The following ZNF704 variants were observed in gnomAD, a reference collection of about 807,000 sequenced individuals.
ZNF704 encodes glucocorticoid induced gene 1.
ZNF704 carries 10 observed loss-of-function variants against 44.7 expected under a neutral mutation model. That is an observed-to-expected ratio of 0.22 (90% CI 0.14 to 0.38). The LOEUF is 0.38. ZNF704 is among the 10% of genes least tolerant of loss of function. ZNF704 has a pLI of 1.00. For missense variants in ZNF704, 390 were observed against 545.5 expected (o/e 0.71, Z 2.84); for synonymous variants, 211 against 207.6 (o/e 1.02, Z -0.14).
chr8:80,675,744 G>A (rs1021426496), intron 4 of ZNF704, among the ~76,000 whole-genome samples: 2 of 152,132 alleles, frequency 1.3e-5, no homozygotes, highest in Admixed American at 1.3e-4. Flanking sequence ...AGTTGTGGGT[G>A]AGTTTTGGAT....
intron 2 of ZNF704, among the ~76,000 whole-genome samples, chr8:80,735,717 T>C (rs1806654683): frequency 6.6e-6 from 1 of 152,184 alleles, no homozygotes; most frequent in African/African-American, 2.4e-5. Flanking sequence ...TTTTTTTCCA[T>C]GGGTTATACA....
In ZNF704 at chr8:80,687,437, T is replaced by A; in HGVS notation, c.347A>T (p.Lys116Met). 1 of 1,580,856 alleles carries A rather than the reference T, an allele frequency of 6.3e-7. No individual in the cohort carries two copies. The highest frequency in any genetic ancestry group is 8.6e-7 in the Non-Finnish European group (1 of 1,165,058). The change falls in exon 4 of 9, where the codon AAG becomes ATG. Residue 116 changes from lysine (K) to methionine (M), a missense_variant. Around this residue, in one of 3 missense-constraint regions of ZNF704, gnomAD observed 305 missense variants for 435.7 expected, o/e 0.70. Transcript: ENST00000327835. ...RPNESLSGSW[K>M]EGGCVPSSTS... ...GCTGGAAGGCACGCAGCCGCCCTCCTTCCAGGATCCGCTGAGGCTCTCTGC... is the reference window on the plus strand; with the variant it reads ...GCTGGAAGGCACGCAGCCGCCCTCCATCCAGGATCCGCTGAGGCTCTCTGC...
intron 2 of ZNF704, among the ~76,000 whole-genome samples, chr8:80,768,256 GT>G (rs1048568763): frequency 1.3e-5 from 2 of 150,956 alleles, no homozygotes; most frequent in Non-Finnish European, 3.0e-5. Context: ...AACTAATTAG[GT>G]TTTTTTTTCC....
chr8:80,727,974 T>G (rs1330391788), intron 2 of ZNF704, among the ~76,000 whole-genome samples: 1 of 152,160 alleles, frequency 6.6e-6, no homozygotes, highest in African/African-American at 2.4e-5. Flanking sequence ...GTAACCAGCA[T>G]TCTTCAAAAA....
intron 4 of ZNF704, among the ~76,000 whole-genome samples, chr8:80,673,032 G>C (rs1362786248): frequency 1.3e-5 from 2 of 152,084 alleles, no homozygotes; most frequent in African/African-American, 4.8e-5. Context: ...TTAAAGTAGT[G>C]TTATGAATAA....
intron 1 of ZNF704, among the ~76,000 whole-genome samples, chr8:80,867,950 C>T (rs953787261): frequency 2.0e-5 from 3 of 152,192 alleles, no homozygotes; most frequent in East Asian, 3.8e-4. Flanking sequence ...TGTGTCCAAG[C>T]TTTTCATAAG....
At chr8:80,833,327 C>T (rs1189262284) in intron 1 of ZNF704, among the ~76,000 whole-genome samples, 1 of 151,710 alleles carries the variant, frequency 6.6e-6, no homozygotes, top group Non-Finnish European at 1.5e-5. Flanking sequence ...TCCAGCCTGG[C>T]GACAGAGCAA....
chr8:80,654,460 C>A (rs1309421893), intron 7 of ZNF704, among the ~76,000 whole-genome samples: 1 of 152,268 alleles, frequency 6.6e-6, no homozygotes, highest in South Asian at 2.1e-4. Context: ...GGGCTAATAT[C>A]CAGAATCTAC....
intron 7 of ZNF704, among the ~76,000 whole-genome samples, chr8:80,654,882 A>G (rs1479452836): frequency 6.6e-6 from 1 of 152,240 alleles, no homozygotes; most frequent in African/African-American, 2.4e-5. Flanking sequence ...CTATAAAGAC[A>G]CATGCACACG....
At chr8:80,860,998 T>G (rs957406514) in intron 1 of ZNF704, among the ~76,000 whole-genome samples, 2 of 152,018 alleles carry the variant, frequency 1.3e-5, no homozygotes, top group Admixed American at 1.3e-4. Flanking sequence ...TTGAAGTGGG[T>G]GACAAAGAAA....
chr8:80,720,544 GCTAA>G (rs1316482444), intron 2 of ZNF704, among the ~76,000 whole-genome samples: 1 of 152,186 alleles, frequency 6.6e-6, no homozygotes, highest in African/African-American at 2.4e-5. Context: ...AATAGAGATG[GCTAA>G]CTATCTGGGT....
chr8:80,731,137 C>G (rs970119520), intron 2 of ZNF704, among the ~76,000 whole-genome samples: 1 of 152,150 alleles, frequency 6.6e-6, no homozygotes, highest in South Asian at 2.1e-4. Context: ...GAACAAGAAC[C>G]AGGTTCCATT....
chr8:80,873,693 C>A, intron 1 of ZNF704: 1 of 154,672 alleles, frequency 6.5e-6, no homozygotes, highest in South Asian at 1.9e-4. Flanking sequence ...TCATCCTCCT[C>A]CTCCGCGCCC....
At chr8:80,649,572 A>C (rs1443859130) in intron 7 of ZNF704, among the ~76,000 whole-genome samples, 1 of 152,150 alleles carries the variant, frequency 6.6e-6, no homozygotes, top group Non-Finnish European at 1.5e-5. Context: ...CATTGCTACC[A>C]CAGCAGTCTG....
At chr8:80,718,085 T>TG (rs1489942384) in intron 2 of ZNF704, among the ~76,000 whole-genome samples, 14 of 152,324 alleles carry the variant, frequency 9.2e-5, no homozygotes, top group Admixed American at 9.1e-4. Context: ...AATGATCCCG[T>TG]GCTCTAGGGT....
At chr8:80,753,020 C>G (rs1456721248) in intron 2 of ZNF704, among the ~76,000 whole-genome samples, 3 of 152,172 alleles carry the variant, frequency 2.0e-5, no homozygotes, top group African/African-American at 7.2e-5. Context: ...TATTTCCAAG[C>G]AAACACAAGG....
At chr8:80,710,459 C>T (rs773748434) in intron 2 of ZNF704, among the ~76,000 whole-genome samples, 4 of 152,122 alleles carry the variant, frequency 2.6e-5, no homozygotes, top group Admixed American at 6.5e-5. Context: ...ACCCAGGCAG[C>T]TGGCACTACA....
At chr8:80,703,224 G>A (rs1818840365) in intron 2 of ZNF704, among the ~76,000 whole-genome samples, 1 of 151,920 alleles carries the variant, frequency 6.6e-6, no homozygotes, top group East Asian at 1.9e-4. Context: ...CTCCATACCT[G>A]TGAATAAGCT....
In ZNF704 at chr8:80,825,840, G is replaced by A. The variant is rs1003309927; in HGVS notation, c.-21-4225C>T. Among the ~76,000 whole-genome samples, 8 of 152,284 alleles carry A rather than the reference G, an allele frequency of 5.3e-5. No individual in the cohort carries two copies. In the South Asian group the frequency reaches 1.0e-3, roughly 20 times the overall value. On this transcript the variant is annotated intron_variant, in intron 1 of 8. Transcript: ENST00000327835. Reference sequence around the variant, plus strand: ...CCTGAATGACTACTGGGTACATCACGAAATGAAGGGAGAAATAAAGATGTT... The same window carrying A: ...CCTGAATGACTACTGGGTACATCACAAAATGAAGGGAGAAATAAAGATGTT...
Sources: gnomAD v4.1 joint callset for allele counts (sites outside exome capture counted in the v4.1 genomes callset) on GRCh38, gnomAD v4.1.1 for gene constraint, gnomAD v4.1.1 regional missense constraint, MANE v1.5 for transcripts, NCBI Gene and HGNC (gene_info 2026-07-23, HGNC 2026-07-21) for gene names.